Variants in PPP2R2B observed in about 807,000 individuals in gnomAD.
The protein encoded by PPP2R2B is serine/threonine-protein phosphatase 2A 55 kDa regulatory subunit B beta isoform.
A neutral mutation model predicts 46.0 loss-of-function variants in PPP2R2B; 5 were observed. The observed-to-expected ratio is 0.11, with a 90% CI of 0.06 to 0.23. PPP2R2B has a LOEUF of 0.23. Among genes scored for constraint, PPP2R2B ranks in the 10% least tolerant of loss-of-function variants. PPP2R2B has a pLI of 1.00. For synonymous variants in PPP2R2B, 215 were observed against 206.7 expected, an observed-to-expected ratio of 1.04 and a Z score of -0.34; for missense variants, 367 against 575.0, an observed-to-expected ratio of 0.64 and a Z score of 3.70.
At chr5:146,591,510 A>G (rs895432456) in intron 9 of PPP2R2B, among the ~76,000 whole-genome samples, 59 of 152,264 alleles carry the variant, frequency 3.9e-4, no homozygotes, top group African/African-American at 1.4e-3. Context: ...TAATTTGCTC[A>G]GTGTCACATT....
chr5:146,692,527 A>ATTT (rs34156552), intron 4 of PPP2R2B, among the ~76,000 whole-genome samples: 46 of 111,036 alleles, frequency 4.1e-4, no homozygotes, highest in South Asian at 1.2e-3. Flanking sequence ...TTTTAATTCA[A>ATTT]TTTTTTTTTT....
At chr5:146,902,285 A>G (rs1762860062) in intron 1 of PPP2R2B, among the ~76,000 whole-genome samples, 1 of 152,142 alleles carries the variant, frequency 6.6e-6, no homozygotes, top group Non-Finnish European at 1.5e-5. Flanking sequence ...AAATATTGTC[A>G]TCTCAGCATT....
At chr5:146,870,577 T>C (rs1051227755) in intron 2 of PPP2R2B, among the ~76,000 whole-genome samples, 5 of 152,156 alleles carry the variant, frequency 3.3e-5, no homozygotes, top group African/African-American at 4.8e-5. Context: ...GGCAACCCAG[T>C]ATGTGGCGTT....
intron 7 of PPP2R2B, chr5:146,607,842 G>C (rs910806991): frequency 6.6e-6 from 1 of 152,174 alleles, no homozygotes; most frequent in Non-Finnish European, 1.5e-5. Context: ...TAGACTTTGA[G>C]GGCCATCTGG....
At chr5:146,937,959 T>C (rs1764208460) in intron 1 of PPP2R2B, among the ~76,000 whole-genome samples, 1 of 152,210 alleles carries the variant, frequency 6.6e-6, no homozygotes, top group South Asian at 2.1e-4. Context: ...CTGAGCCATA[T>C]GCAGAGAGAC....
chr5:146,685,803 C>T (rs1778462176), intron 5 of PPP2R2B, among the ~76,000 whole-genome samples: 1 of 152,146 alleles, frequency 6.6e-6, no homozygotes, highest in Admixed American at 6.5e-5. Context: ...AATATGATGT[C>T]ATTTGATCTT....
At chr5:146,830,723 T>C (rs28415145) in intron 2 of PPP2R2B, among the ~76,000 whole-genome samples, 27,635 of 151,988 alleles carry the variant, frequency 0.18, 2,935 homozygotes, top group East Asian at 0.43. Flanking sequence ...CCACCCACCT[T>C]GGCCTCCCAA....
intron 7 of PPP2R2B, among the ~76,000 whole-genome samples, chr5:146,634,738 A>T (rs1279496243): frequency 6.6e-6 from 1 of 150,590 alleles, no homozygotes; most frequent in Non-Finnish European, 1.5e-5. Flanking sequence ...ATGTGATCTC[A>T]TTCCTTATGA....
rs74940539 is a variant in PPP2R2B, at chr5:146,908,202, C to T, written c.79+147463G>A. On this transcript the variant is annotated intron_variant, in intron 1 of 8. Transcript: ENST00000336640. ...TTGAGGGAAACACTTCTGTGATACA[C>T]CATGCAAAATATTAGCTTGAAGTAG... Among the ~76,000 whole-genome samples the T allele has an allele frequency of 5.7e-3, 864 of 152,264 alleles. 28 individuals are homozygous for T. In the East Asian group the frequency reaches 0.067, roughly 12 times the overall value.
At chr5:146,976,206 C>T (rs929769764) in intron 1 of PPP2R2B, among the ~76,000 whole-genome samples, 3 of 151,478 alleles carry the variant, frequency 2.0e-5, no homozygotes, top group South Asian at 2.1e-4. Flanking sequence ...GGTGCAATCT[C>T]GGCTCACTGC....
intron 2 of PPP2R2B, among the ~76,000 whole-genome samples, chr5:146,721,236 C>T (rs1000910374): frequency 3.9e-5 from 6 of 152,198 alleles, no homozygotes; most frequent in Non-Finnish European, 7.3e-5. Flanking sequence ...TAATCTTCTG[C>T]ATCACCCACT....
chr5:147,030,900 T>C (rs1283732608), intron 1 of PPP2R2B, among the ~76,000 whole-genome samples: 2 of 152,200 alleles, frequency 1.3e-5, no homozygotes, highest in Non-Finnish European at 2.9e-5. Flanking sequence ...TTTAAATGCA[T>C]GTCTCTCCTT....
chr5:146,913,344 T>A (rs1449672695), intron 1 of PPP2R2B, among the ~76,000 whole-genome samples: 1 of 152,140 alleles, frequency 6.6e-6, no homozygotes, highest in Non-Finnish European at 1.5e-5. Flanking sequence ...CAGGGAGGAC[T>A]CCAAGGGTCT....
At chr5:146,929,730 G>A (rs1763905300) in intron 1 of PPP2R2B, among the ~76,000 whole-genome samples, 1 of 152,058 alleles carries the variant, frequency 6.6e-6, no homozygotes, top group African/African-American at 2.4e-5. Flanking sequence ...AATAAAATAA[G>A]CAGCAGTTTT....
chr5:146,847,261 G>A (rs945398637), intron 2 of PPP2R2B, among the ~76,000 whole-genome samples: 19 of 152,140 alleles, frequency 1.2e-4, no homozygotes, highest in Non-Finnish European at 1.5e-5. Flanking sequence ...CCAGGATAAA[G>A]TTCAAATCTT....
chr5:146,867,724 T>C (rs1761390397), intron 2 of PPP2R2B, among the ~76,000 whole-genome samples: 1 of 152,084 alleles, frequency 6.6e-6, no homozygotes, highest in South Asian at 2.1e-4. Context: ...CTGGCTTCTG[T>C]GGTTAATTAT....
At chr5:146,708,211 G>A (rs1208598284) in intron 2 of PPP2R2B, among the ~76,000 whole-genome samples, 1 of 151,982 alleles carries the variant, frequency 6.6e-6, no homozygotes, top group African/African-American at 2.4e-5. Flanking sequence ...AAAAAAATTA[G>A]CTCGGCATGG....
At chr5:146,707,907 T>G (rs1490512076) in intron 2 of PPP2R2B, among the ~76,000 whole-genome samples, 1 of 152,152 alleles carries the variant, frequency 6.6e-6, no homozygotes, top group Non-Finnish European at 1.5e-5. Flanking sequence ...TATTTTCTTA[T>G]GGTCTTTTTC....
At chr5:146,873,666 C>T (rs900779880) in intron 2 of PPP2R2B, among the ~76,000 whole-genome samples, 5 of 152,232 alleles carry the variant, frequency 3.3e-5, no homozygotes, top group South Asian at 4.1e-4. Context: ...GACTGGAGTG[C>T]GGTGTCGCGA....
Sources: allele counts gnomAD v4.1 joint callset (sites outside exome capture counted in the v4.1 genomes callset), GRCh38; gene constraint gnomAD v4.1.1; transcripts MANE v1.5; gene names NCBI Gene and HGNC (gene_info 2026-07-23, HGNC 2026-07-21).